The following VDR variants were observed in gnomAD, a reference collection of about 807,000 sequenced individuals.
VDR encodes vitamin D receptor, also known as vitamin D3 receptor.
VDR carries 19 observed loss-of-function variants against 39.7 expected under a neutral mutation model. The observed-to-expected ratio is 0.48, with a 90% CI of 0.33 to 0.70. The LOEUF is 0.70. Among genes scored for constraint, VDR ranks in the 30% least tolerant of loss-of-function variants. VDR has a pLI of 0.02. For missense variants in VDR, 442 were observed against 570.5 expected (o/e 0.77, Z 2.29); for synonymous variants, 242 against 215.8 (o/e 1.12, Z -1.07).
chr12:47,899,801 C>T (rs1946527994), intron 1 of VDR: 4 of 756,936 alleles, frequency 5.3e-6, no homozygotes, highest in Non-Finnish European at 6.4e-6. Context: ...CCTTGGTTTC[C>T]CCACTATGCC....
chr12:47,890,022 C>A (rs1946337436), intron 1 of VDR, among the ~76,000 whole-genome samples: 1 of 151,526 alleles, frequency 6.6e-6, no homozygotes, highest in South Asian at 2.1e-4. Flanking sequence ...TTATACTGAT[C>A]TGGAAAAAGG....
intron 3 of VDR, among the ~76,000 whole-genome samples, chr12:47,874,807 C>T (rs115917297): frequency 6.1e-4 from 93 of 152,268 alleles, no homozygotes; most frequent in African/African-American, 2.1e-3. Context: ...TATCAGACTC[C>T]GGACGAAGCC....
At chr12:47,872,195 G>T (rs888846219) in intron 3 of VDR, among the ~76,000 whole-genome samples, 1 of 152,188 alleles carries the variant, frequency 6.6e-6, no homozygotes, top group African/African-American at 2.4e-5. Context: ...AAATCTTAAA[G>T]CACAACCTTG....
intron 2 of VDR, among the ~76,000 whole-genome samples, chr12:47,879,770 T>C (rs950109829): frequency 2.6e-5 from 4 of 152,050 alleles, no homozygotes; most frequent in Non-Finnish European, 5.9e-5. Context: ...TTCCCCCCCC[T>C]TTTTTTGGCA....
intron 3 of VDR, among the ~76,000 whole-genome samples, chr12:47,865,701 C>G (rs529205008): frequency 1.3e-3 from 184 of 146,850 alleles, no homozygotes; most frequent in Non-Finnish European, 2.1e-3. Flanking sequence ...GTGTGAGCCA[C>G]TGCACTCCGA....
intron 7 of VDR, among the ~76,000 whole-genome samples, chr12:47,849,854 A>C (rs1288169752): frequency 8.8e-6 from 1 of 113,142 alleles, no homozygotes; most frequent in Non-Finnish European, 1.9e-5. Flanking sequence ...TTATTTATTT[A>C]TTTTAATTTT....
chr12:47,863,103 G>A (rs1224319301), intron 4 of VDR, among the ~76,000 whole-genome samples: 2 of 152,178 alleles, frequency 1.3e-5, no homozygotes, highest in Admixed American at 6.5e-5. Flanking sequence ...TTCCCACCAC[G>A]TGGTAGGGTG....
intron 1 of VDR, 52 bp from the exon 2 acceptor site, chr12:47,882,826 C>T: frequency 2.8e-6 from 4 of 1,419,732 alleles, no homozygotes; most frequent in Non-Finnish European, 3.8e-6. Context: ...CTGACCGCCT[C>T]CCCAGTCTCT....
chr12:47,881,827 T>C (rs546884792), intron 2 of VDR, among the ~76,000 whole-genome samples: 1 of 152,132 alleles, frequency 6.6e-6, no homozygotes, highest in African/African-American at 2.4e-5. Flanking sequence ...GTGGCCAGCA[T>C]CCCGGAGGCC....
chr12:47,855,641 T>C lies in VDR; in HGVS notation c.744A>G (p.Ile248Met). Residue 248 changes from isoleucine (I) to methionine (M), a missense_variant, in exon 7 of 10, where the codon ATA (isoleucine) becomes ATG (methionine). By Grantham distance (10) the Ile-to-Met change is conservative. Transcript: ENST00000549336. ...CAGAAGTTTCTTACCTGAATCCTGG[T>C]ATCATCTTAGCAAAGCCAATGACCT... ...IQKVIGFAKM[I>M]PGFRDLTSED... The C allele has an allele frequency of 6.2e-7, 1 of 1,614,198 alleles. No homozygotes were observed. Among genetic ancestry groups the C allele is most frequent in the East Asian group, 2.2e-5 (1 of 44,894 alleles).
intron 3 of VDR, among the ~76,000 whole-genome samples, chr12:47,877,083 G>A (rs765925136): frequency 2.4e-4 from 36 of 152,170 alleles, no homozygotes; most frequent in Non-Finnish European, 2.8e-4. Flanking sequence ...TCTGGTGACG[G>A]AATGAGTGAA....
At chr12:47,900,358 T>C (rs143644358) in intron 1 of VDR, among the ~76,000 whole-genome samples, 1 of 152,284 alleles carries the variant, frequency 6.6e-6, no homozygotes, top group East Asian at 1.9e-4. Flanking sequence ...GGGTGTATAA[T>C]GTACAAGACA....
chr12:47,860,325 G>A (rs569376708), intron 4 of VDR, among the ~76,000 whole-genome samples: 65 of 152,266 alleles, frequency 4.3e-4, no homozygotes, highest in African/African-American at 1.5e-3. Flanking sequence ...CTACCTGGCC[G>A]TGGTGTCTGC....
intron 4 of VDR, 24 bp downstream of exon 4, chr12:47,865,023 C>A: frequency 6.2e-7 from 1 of 1,612,264 alleles, no homozygotes; most frequent in Non-Finnish European, 8.5e-7. Context: ...AGGCCCAAAC[C>A]CTGCCCAGCC....
In VDR at chr12:47,879,007, A is replaced by C; in HGVS notation, c.107T>G (p.Phe36Cys). Residue 36 changes from phenylalanine to cysteine, a missense_variant, in exon 3 of 10, where the codon TTC becomes TGC. Phe to Cys is a radical substitution (Grantham distance 205). Transcript: ENST00000549336. ...VCGDRATGFH[F>C]NAMTCEGCKG... Reference sequence around the variant, plus strand: ...GCAGCCTTCACAGGTCATAGCATTGAAGTGAAAGCCAGTGGCTCGGTCTCC... The same window carrying C: ...GCAGCCTTCACAGGTCATAGCATTGCAGTGAAAGCCAGTGGCTCGGTCTCC... The C allele has an allele frequency of 1.9e-6, 3 of 1,614,176 alleles. No individual in the cohort carries two copies. The highest frequency in any genetic ancestry group is 2.5e-6 in the Non-Finnish European group (3 of 1,180,020).
At chr12:47,871,619 AC>A (rs1156428803) in intron 3 of VDR, among the ~76,000 whole-genome samples, 2 of 151,602 alleles carry the variant, frequency 1.3e-5, no homozygotes, top group African/African-American at 4.9e-5. Flanking sequence ...ATGTGCCACC[AC>A]GCCTGGCCAA....
chr12:47,863,050 C>T (rs373374192), intron 4 of VDR, among the ~76,000 whole-genome samples: 6 of 152,090 alleles, frequency 3.9e-5, no homozygotes, highest in Non-Finnish European at 7.4e-5. Context: ...CTGGGGTGGG[C>T]GTGGCTGAGG....
Position 47,846,369 on chromosome 12 carries a change from A to G in VDR, c.990T>C (p.His330=), listed in dbSNP as rs1320238492. ...LKKLNLHEEE[H]VLLMAICIVS... ...CGATGCAGATGGCCATGAGCAGGAC[A>G]TGCTCCTCCTCATGCAAGTTCAGCT... is the stretch of plus-strand genomic sequence containing the variant. Residue 330 remains histidine (H), a synonymous_variant, in exon 9 of 10, where the codon CAT becomes CAC. Transcript: ENST00000549336. The G allele has an allele frequency of 3.1e-6, 5 of 1,602,418 alleles. No homozygotes were observed. The highest frequency in any genetic ancestry group is 3.4e-6 in the Non-Finnish European group (4 of 1,174,974).
At chr12:47,884,704 G>A (rs2853564) in intron 1 of VDR, among the ~76,000 whole-genome samples, 105,717 of 151,978 alleles carry the variant, frequency 0.7, 37,842 homozygotes, top group African/African-American at 0.87. Flanking sequence ...ACCCTAAGCC[G>A]TGGACACCTT....
Sources: gnomAD v4.1 joint callset for allele counts (sites outside exome capture counted in the v4.1 genomes callset) on GRCh38, gnomAD v4.1.1 for gene constraint, MANE v1.5 for transcripts, NCBI Gene and HGNC (gene_info 2026-07-23, HGNC 2026-07-21) for gene names.